Variants in GRAP2 observed in about 807,000 individuals in gnomAD.
GRAP2 encodes the protein GRB2-related adapter protein 2.
Under a neutral mutation model 43.5 loss-of-function variants are expected in GRAP2, and 31 were observed. That is an observed-to-expected ratio of 0.71 (90% CI 0.54 to 0.96). The LOEUF (loss-of-function observed/expected upper bound fraction) is 0.96, where lower values mean the gene tolerates loss of function less well. GRAP2 is among the 40% of genes least tolerant of loss of function. The pLI is 0.00. For synonymous variants in GRAP2, 156 were observed against 164.8 expected (o/e 0.95, Z 0.41); for missense variants, 371 against 424.4 (o/e 0.87, Z 1.11).
chr22:39,896,843 A>G (rs1414847198), upstream of GRAP2, among the ~76,000 whole-genome samples: 6 of 152,170 alleles, frequency 3.9e-5, no homozygotes, highest in Non-Finnish European at 7.3e-5. Context: ...ATATTGCTCT[A>G]TGGTAGCTTG....
chr22:39,923,028 T>G, intron 1 of GRAP2, among the ~76,000 whole-genome samples: 3 of 141,222 alleles, frequency 2.1e-5, no homozygotes, highest in African/African-American at 2.8e-5. Context: ...GGCGACAGAG[T>G]GAGATTCAGT....
intron 1 of GRAP2, among the ~76,000 whole-genome samples, chr22:39,918,728 G>A (rs191318850): frequency 6.6e-6 from 1 of 152,290 alleles, no homozygotes; most frequent in Non-Finnish European, 1.5e-5. Flanking sequence ...TTTAAGGGCA[G>A]TCTCAGCATT....
chr22:39,901,134 G>C lies in GRAP2; in HGVS notation c.-211G>C. On this transcript the variant is annotated 5_prime_UTR_variant, in exon 1 of 8. Coordinates refer to ENST00000344138, the MANE Select transcript of GRAP2 (RefSeq NM_004810.4). ...TTTGGAGGAGGGAGTAAGAGGTGGG[G>C]AGGAGGAGGCACAGTTAATGGATCT... The C allele has an allele frequency of 2.3e-6, 1 of 431,530 alleles. No homozygotes were observed. Among genetic ancestry groups the C allele is most frequent in the South Asian group, 1.7e-5 (1 of 57,244 alleles). 26.7% of individuals were successfully genotyped at this position (431,530 alleles called of 1,614,324 possible).
chr22:39,926,516 A>T, intron 1 of GRAP2: 1 of 749,076 alleles, frequency 1.3e-6, no homozygotes, highest in Non-Finnish European at 1.6e-6. Context: ...AGAGCAAAAA[A>T]GCAAAAGAAC....
At chr22:39,898,662 A>C (rs762274510), upstream of GRAP2, among the ~76,000 whole-genome samples, 1 of 152,178 alleles carries the variant, frequency 6.6e-6, no homozygotes, top group Middle Eastern at 3.4e-3. Flanking sequence ...AAAATATACA[A>C]ATTAGCTGGG....
intron 2 of GRAP2, among the ~76,000 whole-genome samples, chr22:39,952,147 C>T (rs1257364451): frequency 6.6e-6 from 1 of 151,924 alleles, no homozygotes; most frequent in Non-Finnish European, 1.5e-5. Flanking sequence ...GTGGCTCAGC[C>T]TCCCAAGTAG....
At chr22:39,969,959 G>T (rs908979077) in intron 7 of GRAP2, among the ~76,000 whole-genome samples, 1 of 152,152 alleles carries the variant, frequency 6.6e-6, no homozygotes, top group African/African-American at 2.4e-5. Flanking sequence ...ACAGATCAAC[G>T]AGAGGTGATG....
chr22:39,959,854 T>C (rs1195613692), intron 3 of GRAP2, among the ~76,000 whole-genome samples: 1 of 152,004 alleles, frequency 6.6e-6, no homozygotes, highest in African/African-American at 2.4e-5. Context: ...ACAAAGAGGG[T>C]GAATCAAGGG....
intron 2 of GRAP2, among the ~76,000 whole-genome samples, chr22:39,949,131 G>A (rs1418148734): frequency 2.6e-5 from 4 of 152,114 alleles, no homozygotes; most frequent in East Asian, 1.9e-4. Context: ...TCAGGATGCC[G>A]AGAATCACTC....
chr22:39,947,285 T>A, intron 2 of GRAP2, 101 bp downstream of exon 2: 1 of 765,196 alleles, frequency 1.3e-6, no homozygotes. Flanking sequence ...GTGGTTCCTT[T>A]TAAAAAGAGA....
At position 39,960,184 on chromosome 22, in the gene GRAP2, A is replaced by G; in HGVS notation, c.290+10A>G. The G allele has an allele frequency of 1.9e-6, 3 of 1,611,800 alleles. No individual in the cohort carries two copies. Among genetic ancestry groups the G allele is most frequent in the Non-Finnish European group, 2.5e-6 (3 of 1,177,820 alleles). On this transcript the variant is annotated intron_variant, in intron 4 of 7. Coordinates refer to ENST00000344138, the MANE Select transcript of GRAP2 (RefSeq NM_004810.4). ...TCTCCATCTCTGTCAGGTACTGACCATTCCTGACACTGCCTTGGCCCTTCT... is the reference window on the plus strand; with the variant it reads ...TCTCCATCTCTGTCAGGTACTGACCGTTCCTGACACTGCCTTGGCCCTTCT...
intron 1 of GRAP2, among the ~76,000 whole-genome samples, chr22:39,928,484 G>A (rs756476736): frequency 2.0e-5 from 3 of 152,260 alleles, no homozygotes; most frequent in Admixed American, 6.5e-5. Flanking sequence ...TTTAAGGAAC[G>A]TGCCCAACTT....
chr22:39,929,634 TC>T (rs2066737795), intron 1 of GRAP2, among the ~76,000 whole-genome samples: 1 of 152,128 alleles, frequency 6.6e-6, no homozygotes, highest in Admixed American at 6.5e-5. Flanking sequence ...AGGTGTCCCA[TC>T]CCTCCCTGCT....
intron 1 of GRAP2, among the ~76,000 whole-genome samples, chr22:39,909,453 G>A (rs1050703389): frequency 1.3e-5 from 2 of 152,170 alleles, no homozygotes; most frequent in Non-Finnish European, 2.9e-5. Context: ...AAAGTGAAGG[G>A]TCAATTAGGT....
At chr22:39,930,137 T>G (rs989767794) in intron 1 of GRAP2, among the ~76,000 whole-genome samples, 1 of 152,256 alleles carries the variant, frequency 6.6e-6, no homozygotes, top group Admixed American at 6.5e-5. Context: ...ATAATTTTCT[T>G]TTACTTTTTA....
chr22:39,959,566 C>G (rs2067094073), intron 3 of GRAP2, among the ~76,000 whole-genome samples: 2 of 152,172 alleles, frequency 1.3e-5, no homozygotes, highest in Non-Finnish European at 2.9e-5. Context: ...CTTTAATACC[C>G]AGGGAGGAAC....
chr22:39,946,862 T>A, intron 1 of GRAP2: 1 of 447,974 alleles, frequency 2.2e-6, no homozygotes, highest in Non-Finnish European at 4.0e-6. Context: ...CTTCATTTCC[T>A]GCTCCTGGCA....
chr22:39,962,416 C>A (rs542057527), intron 4 of GRAP2, among the ~76,000 whole-genome samples: 53 of 151,946 alleles, frequency 3.5e-4, no homozygotes, highest in Non-Finnish European at 4.9e-4. Flanking sequence ...CAGAGCAAGA[C>A]CCTGTCTCAA....
chr22:39,928,651 G>C (rs529334983), intron 1 of GRAP2, among the ~76,000 whole-genome samples: 2 of 152,302 alleles, frequency 1.3e-5, no homozygotes, highest in Admixed American at 6.5e-5. Flanking sequence ...TGGTTTTCCT[G>C]CTGTGTAGAC....
Sources: gnomAD v4.1 joint callset for allele counts (sites outside exome capture counted in the v4.1 genomes callset) on GRCh38, gnomAD v4.1.1 for gene constraint, MANE v1.5 for transcripts, NCBI Gene and HGNC (gene_info 2026-07-23, HGNC 2026-07-21) for gene names.